Variants in ABR observed in about 807,000 individuals in gnomAD.
ABR encodes active breakpoint cluster region-related protein.
Under a neutral mutation model 107.2 loss-of-function variants are expected in ABR, and 35 were observed. The observed-to-expected ratio is 0.33, with a 90% CI of 0.25 to 0.43. ABR has a LOEUF of 0.43. Ranked by LOEUF, ABR falls within the 20% of genes least tolerant of loss-of-function variation. The pLI, the probability that ABR is intolerant of heterozygous loss-of-function variation, is 1.00. For missense variants in ABR, 815 were observed against 1,115.2 expected, an observed-to-expected ratio of 0.73 and a Z score of 3.83; for synonymous variants, 498 against 462.0, an observed-to-expected ratio of 1.08 and a Z score of -1.00.
intron 10 of ABR, among the ~76,000 whole-genome samples, chr17:1,059,386 CCTTCT>C (rs1222212081): frequency 7.2e-5 from 11 of 152,348 alleles, no homozygotes; most frequent in Admixed American, 6.5e-4. Context: ...TGCTATGCCT[CCTTCT>C]CTTGAGAACC....
intron 2 of ABR, among the ~76,000 whole-genome samples, chr17:1,105,330 AC>A (rs1367447963): frequency 6.6e-6 from 1 of 152,060 alleles, no homozygotes; most frequent in East Asian, 1.9e-4. Flanking sequence ...AAGCAGTCTT[AC>A]CCTACACGTA....
At chr17:1,094,328 G>GC (rs1265118539) in intron 3 of ABR, among the ~76,000 whole-genome samples, 1 of 151,936 alleles carries the variant, frequency 6.6e-6, no homozygotes, top group East Asian at 1.9e-4. Flanking sequence ...CTACCTACTG[G>GC]CATTCCCGTC....
Position 1,050,961 on chromosome 17 carries a change from T to A in ABR, c.1562-327A>T, listed in dbSNP as rs542742913. On this transcript the variant is annotated intron_variant, in intron 14 of 22. Transcript: ENST00000302538. The surrounding 1 kb of genome is among the most constrained non-coding windows in gnomAD (Gnocchi z 4.6). ...CCCCACACTCTGGCCTCCTCCTCCC[T>A]CTAAAGGGCCCTTGACTGTTCCGTC... Among the ~76,000 whole-genome samples, 3 of 148,994 alleles carry A rather than the reference T, an allele frequency of 2.0e-5. No individual in the cohort carries two copies. The East Asian group carries it at 6.0e-4, about 30-fold the overall frequency.
At chr17:1,087,592 G>GA (rs2036695287) in intron 4 of ABR, among the ~76,000 whole-genome samples, 1 of 152,030 alleles carries the variant, frequency 6.6e-6, no homozygotes, top group African/African-American at 2.4e-5. Flanking sequence ...TTAAAAGGGG[G>GA]CGGGGCCGGA....
At chr17:1,124,479 G>A (rs1207981697) in intron 2 of ABR, among the ~76,000 whole-genome samples, 4 of 152,178 alleles carry the variant, frequency 2.6e-5, no homozygotes, top group African/African-American at 9.7e-5. Context: ...TGTTTTGCTC[G>A]TTCATGTGTC....
chr17:1,102,451 G>A (rs2037962986), intron 2 of ABR, among the ~76,000 whole-genome samples: 1 of 152,220 alleles, frequency 6.6e-6, no homozygotes, highest in Non-Finnish European at 1.5e-5. Context: ...CCCTAGAGCA[G>A]GGGCTTCCGA....
Position 1,220,079 on chromosome 17 carries a change from C to G in ABR, c.838+8714G>C, listed in dbSNP as rs574763105. 3.4e-5 allele frequency among the ~76,000 whole-genome samples: 5 copies of G among 145,002 alleles called. No individual in the cohort carries two copies. The South Asian group carries it at 1.1e-3, about 32-fold the overall frequency. On this transcript the variant is annotated intron_variant, in intron 1 of 22. Transcript: ENST00000574139. ...GGCGGAGGCGGGCGGATCACGAGGT[C>G]AGGAGATCGACACCAGCCTGGCCAA...
At chr17:1,073,711 A>T (rs1435840861) in intron 6 of ABR, 34 bp from the exon 7 acceptor site, 2 of 1,575,768 alleles carry the variant, frequency 1.3e-6, no homozygotes, top group South Asian at 2.3e-5. Context: ...GAGGAAGAGG[A>T]TGATGGACGA....
rs74599068 is a variant in ABR at position 1,194,863 on chromosome 17, G to T, written c.838+33930C>A. On this transcript the variant is annotated intron_variant, in intron 1 of 22. Coordinates refer to the ABR transcript ENST00000574139. ...AGACAGGGTTTCGCCATGTTGGCCA[G>T]ACTGGTCTCGAACTCCTGACTCAGG... Among the ~76,000 whole-genome samples the T allele has an allele frequency of 5.2e-3, 504 of 97,406 alleles. 1 individual carries two copies. Among genetic ancestry groups the T allele is most frequent in the Admixed American group, 0.011 (79 of 7,016 alleles). The allele number at this position is 97,406 out of a possible 152,430, so 63.9% of individuals were successfully genotyped here. A position where few individuals can be genotyped will look rare whatever the true frequency, so the allele number is the denominator to read the frequency against.
intron 16 of ABR, among the ~76,000 whole-genome samples, chr17:1,033,427 C>T (rs2072954194): frequency 6.6e-6 from 1 of 152,202 alleles, no homozygotes; most frequent in South Asian, 2.1e-4. Context: ...CTCTGACAAG[C>T]TGAGCTACGT....
In ABR at chr17:1,118,026, G is replaced by T. The variant is rs149313467; in HGVS notation, c.246+7157C>A. On this transcript the variant is annotated intron_variant, in intron 2 of 22. Coordinates refer to ENST00000302538, the MANE Select transcript of ABR (RefSeq NM_021962.5). ...TCCCTGAGCCTGAGTTCTCCCCAGCGTTATCGCTGAGCCTGAGTTCCTCCC... is the reference window on the plus strand; with the variant it reads ...TCCCTGAGCCTGAGTTCTCCCCAGCTTTATCGCTGAGCCTGAGTTCCTCCC... Among the ~76,000 whole-genome samples the T allele has an allele frequency of 3.0e-3, 115 of 38,370 alleles. 2 individuals carry two copies. The highest frequency in any genetic ancestry group is 3.9e-3 in the Admixed American group (12 of 3,108). 25.2% of individuals were successfully genotyped at this position (38,370 alleles called of 152,430 possible). A position where few individuals can be genotyped will look rare whatever the true frequency, so the allele number is the denominator to read the frequency against.
chr17:1,208,946 C>T (rs2042851771), intron 1 of ABR, among the ~76,000 whole-genome samples: 1 of 151,034 alleles, frequency 6.6e-6, no homozygotes, highest in South Asian at 2.1e-4. Flanking sequence ...ACGGCAAGTG[C>T]TTAGTATGGG....
intron 3 of ABR, among the ~76,000 whole-genome samples, chr17:1,099,668 G>A (rs1329519243): frequency 6.6e-6 from 1 of 152,120 alleles, no homozygotes; most frequent in South Asian, 2.1e-4. Flanking sequence ...TTCTTCCAAG[G>A]CAAAACCACC....
At chr17:1,151,824 C>A (rs1305882898) in intron 1 of ABR, among the ~76,000 whole-genome samples, 2 of 152,226 alleles carry the variant, frequency 1.3e-5, no homozygotes, top group Non-Finnish European at 2.9e-5. Context: ...GGACATCCAT[C>A]CCGGCTAACA....
chr17:1,125,485 C>T (rs756994488), intron 1 of ABR, 118 bp from the exon 2 acceptor site: 30 of 1,184,798 alleles, frequency 2.5e-5, no homozygotes, highest in South Asian at 2.4e-4. Context: ...GCACCATCCA[C>T]GCCTGGCCCG....
At chr17:1,021,033 C>T (rs190029582) in intron 16 of ABR, among the ~76,000 whole-genome samples, 179 of 152,256 alleles carry the variant, frequency 1.2e-3, no homozygotes, top group Middle Eastern at 3.4e-3. Context: ...CCAAGGTCTT[C>T]GGAGATGGTT....
chr17:1,108,049 G>A (rs530183807), intron 2 of ABR, among the ~76,000 whole-genome samples: 1 of 152,182 alleles, frequency 6.6e-6, no homozygotes, highest in African/African-American at 2.4e-5. Context: ...TCTAGGCCCC[G>A]CCGATGGGCA....
Position 1,157,454 on chromosome 17 carries a change from T to G in ABR, c.61+22213A>C, listed in dbSNP as rs2041090809. Among the ~76,000 whole-genome samples the G allele has an allele frequency of 6.6e-6, 1 of 152,168 alleles. No individual in the cohort carries two copies. The highest frequency in any genetic ancestry group is 2.4e-5 in the African/African-American group (1 of 41,452). On this transcript the variant is annotated intron_variant, in intron 1 of 22. Transcript: ENST00000302538. This position sits in a 1 kb window ranked among gnomAD's most constrained non-coding sequence, Gnocchi z 4.7. ...TTAATAGAGACAGGGTCTCACCATG[T>G]TGGCCAGGCTGGTCTCGAACTCCTG... is the stretch of plus-strand genomic sequence containing the variant.
intron 1 of ABR, among the ~76,000 whole-genome samples, chr17:1,155,367 G>T (rs573088829): frequency 6.6e-6 from 1 of 152,246 alleles, no homozygotes; most frequent in South Asian, 2.1e-4. Context: ...TGTAAAAGTT[G>T]AACTTTTACT....
Sources: gnomAD v4.1 joint callset for allele counts (sites outside exome capture counted in the v4.1 genomes callset) on GRCh38, gnomAD v4.1.1 for gene constraint, Gnocchi (gnomAD v3.1) non-coding constraint, MANE v1.5 for transcripts, NCBI Gene and HGNC (gene_info 2026-07-23, HGNC 2026-07-21) for gene names.